The following GBF1 variants were observed in gnomAD, a reference collection of about 807,000 sequenced individuals.
GBF1 encodes the protein Golgi-specific brefeldin A-resistance guanine nucleotide exchange factor 1.
In GBF1, 114 loss-of-function variants were observed where a neutral mutation model predicts 210.5. The observed-to-expected ratio is 0.54, with a 90% confidence interval of 0.47 to 0.63. The LOEUF (loss-of-function observed/expected upper bound fraction) is 0.63, where lower values mean the gene tolerates loss of function less well. Among genes scored for constraint, GBF1 ranks in the 30% least tolerant of loss-of-function variants. The pLI, the probability that GBF1 is intolerant of heterozygous loss-of-function variation, is 0.00. For missense variants in GBF1, 1,851 were observed against 2,357.7 expected (o/e 0.79, Z 4.45); for synonymous variants, 850 against 889.2 (o/e 0.96, Z 0.78).
At chr10:102,368,678 C>A in intron 22 of GBF1, 61 bp from the exon 23 acceptor site, 2 of 1,190,656 alleles carry the variant, frequency 1.7e-6, no homozygotes, top group Non-Finnish European at 1.3e-6. Flanking sequence ...AGCTCAGGGA[C>A]TTGGAAGGGC....
intron 1 of GBF1, among the ~76,000 whole-genome samples, chr10:102,256,552 G>C (rs2072410881): frequency 4.5e-5 from 1 of 22,198 alleles, no homozygotes; most frequent in Non-Finnish European, 7.2e-5. Context: ...GTCTGGCTCT[G>C]TTGCCCAGGC....
chr10:102,244,994 G>A (rs961078155), upstream of GBF1, among the ~76,000 whole-genome samples: 13 of 152,186 alleles, frequency 8.5e-5, no homozygotes, highest in African/African-American at 3.1e-4. Context: ...AGGGAAGGTG[G>A]ACAAGAGGGC....
At chr10:102,378,636 AAAAAT>A (rs1044056879) in intron 33 of GBF1, among the ~76,000 whole-genome samples, 3 of 151,768 alleles carry the variant, frequency 2.0e-5, no homozygotes, top group Non-Finnish European at 4.4e-5. Context: ...CCCTGTCTCA[AAAAAT>A]AAAATAAGAA....
rs1272737789 is a variant in GBF1 at position 102,382,249 on chromosome 10, C to T, written c.5496C>T (p.Asn1832=). The change falls in exon 40 of 40, where the codon AAC becomes AAT. Residue 1832 remains asparagine, a synonymous_variant. Coordinates refer to ENST00000369983, the MANE Select transcript of GBF1 (RefSeq NM_001377137.1). ...CTATGACTCTGCCCATCATCCTCAA[C>T]CCTGCGCTCATCGAGGCCACCTCAC... The part of the protein sequence containing the change: ...VPPMTLPIIL[N]PALIEATSPV... 1.9e-6 allele frequency: 3 copies of T among 1,613,964 alleles called. No homozygotes were observed. The highest frequency in any genetic ancestry group is 1.3e-5 in the African/African-American group (1 of 74,918).
intron 3 of GBF1, among the ~76,000 whole-genome samples, chr10:102,326,790 C>A (rs1330683842): frequency 6.6e-6 from 1 of 152,114 alleles, no homozygotes; most frequent in Non-Finnish European, 1.5e-5. Context: ...TCATAGCTAG[C>A]TTCTTTTAGC....
chr10:102,269,601 G>A lies in GBF1; in HGVS notation c.163+9485G>A, dbSNP rs1050665782. 2.6e-5 allele frequency among the ~76,000 whole-genome samples: 4 copies of A among 152,092 alleles called. No individual in the cohort carries two copies. In the East Asian group the frequency reaches 7.7e-4, roughly 29 times the overall value. ...ATGAGATTTCCCTGACACTGACAGG[G>A]ACTTTTCCACAGATTATTTTTTGTT... is the stretch of plus-strand genomic sequence containing the variant. On this transcript the variant is annotated intron_variant, in intron 3 of 39. Transcript: ENST00000369983.
chr10:102,357,975 G>A, intron 8 of GBF1, 64 bp from the exon 9 acceptor site: 1 of 1,098,064 alleles, frequency 9.1e-7, no homozygotes, highest in Non-Finnish European at 1.4e-6. Flanking sequence ...ACTAAATGAA[G>A]GGAGATTAAT....
intron 3 of GBF1, among the ~76,000 whole-genome samples, chr10:102,301,524 C>T (rs1187312102): frequency 1.3e-5 from 2 of 152,076 alleles, no homozygotes; most frequent in African/African-American, 4.8e-5. Context: ...GGCTGCCGGG[C>T]GGAGGGGCTC....
chr10:102,342,387 A>G (rs952441363), intron 3 of GBF1, among the ~76,000 whole-genome samples: 3 of 148,902 alleles, frequency 2.0e-5, no homozygotes, highest in African/African-American at 7.6e-5. Context: ...TTTCACACAC[A>G]CGCACACACA....
In GBF1 at chr10:102,368,522, C is replaced by A. The variant is rs969888006; in HGVS notation, c.2879+68C>A. The A allele has an allele frequency of 6.2e-6, 6 of 969,542 alleles. No homozygotes were observed. The African/African-American group carries it at 8.0e-5, about 13-fold the overall frequency. 60.1% of individuals were successfully genotyped at this position (969,542 alleles called of 1,614,324 possible). A position where few individuals can be genotyped will look rare whatever the true frequency, so the allele number is the denominator to read the frequency against. Reference sequence around the variant, plus strand: ...GTGAGCTAACATGGTTTTCTCCATGCCTCTCTGACTCCTACTGTTACTTCA... The same window carrying A: ...GTGAGCTAACATGGTTTTCTCCATGACTCTCTGACTCCTACTGTTACTTCA... On this transcript the variant is annotated intron_variant, in intron 22 of 39. Transcript: ENST00000369983.
chr10:102,275,626 T>C (rs1053660890), intron 3 of GBF1, among the ~76,000 whole-genome samples: 5 of 152,240 alleles, frequency 3.3e-5, no homozygotes, highest in African/African-American at 1.2e-4. Context: ...GAATGGCTTA[T>C]CGTGTTCTGA....
chr10:102,252,755 G>A (rs2071728988), intron 1 of GBF1, among the ~76,000 whole-genome samples: 1 of 151,940 alleles, frequency 6.6e-6, no homozygotes, highest in Admixed American at 6.6e-5. Context: ...GCTGAGGTGG[G>A]AGGATCGCTT....
At chr10:102,280,689 T>C (rs977481878) in intron 3 of GBF1, among the ~76,000 whole-genome samples, 1 of 152,296 alleles carries the variant, frequency 6.6e-6, no homozygotes, top group Admixed American at 6.5e-5. Flanking sequence ...TTGTCTCACT[T>C]TACTCTGAAG....
At chr10:102,281,283 C>G (rs2075451453) in intron 3 of GBF1, among the ~76,000 whole-genome samples, 1 of 152,108 alleles carries the variant, frequency 6.6e-6, no homozygotes, top group Admixed American at 6.5e-5. Context: ...CATGAGGCAC[C>G]AGCTGGCAGG....
At chr10:102,343,271 C>A (rs1360547140) in intron 3 of GBF1, among the ~76,000 whole-genome samples, 2 of 152,112 alleles carry the variant, frequency 1.3e-5, no homozygotes, top group South Asian at 4.1e-4. Flanking sequence ...CACTCTTTCT[C>A]TAAGAGAAGT....
At chr10:102,282,529 C>T (rs1199297598) in intron 3 of GBF1, among the ~76,000 whole-genome samples, 1 of 152,150 alleles carries the variant, frequency 6.6e-6, no homozygotes, top group East Asian at 1.9e-4. Flanking sequence ...TTCTGTCTTG[C>T]TGGAGACAAA....
intron 3 of GBF1, among the ~76,000 whole-genome samples, chr10:102,289,432 A>G (rs2076256191): frequency 6.6e-6 from 1 of 152,156 alleles, no homozygotes; most frequent in Non-Finnish European, 1.5e-5. Flanking sequence ...TACTTTTTCA[A>G]AAATTCTGGA....
At chr10:102,314,233 C>A (rs2078736014) in intron 3 of GBF1, among the ~76,000 whole-genome samples, 1 of 147,446 alleles carries the variant, frequency 6.8e-6, no homozygotes, top group South Asian at 2.2e-4. Context: ...GCAGCCTCAA[C>A]CTCCTGGGCT....
intron 4 of GBF1, among the ~76,000 whole-genome samples, chr10:102,346,136 C>G (rs527919787): frequency 6.6e-5 from 10 of 152,148 alleles, no homozygotes; most frequent in African/African-American, 2.4e-4. Flanking sequence ...TTTTGTGCCA[C>G]CACGCCCGGC....
Sources: gnomAD v4.1 joint callset for allele counts (sites outside exome capture counted in the v4.1 genomes callset) on GRCh38, gnomAD v4.1.1 for gene constraint, MANE v1.5 for transcripts, NCBI Gene and HGNC (gene_info 2026-07-23, HGNC 2026-07-21) for gene names.